Variants in CCDC7 observed in about 807,000 individuals in gnomAD.
CCDC7 encodes coiled-coil domain-containing protein 7.
CCDC7 carries 183 observed loss-of-function variants against 196.9 expected under a neutral mutation model. That is an observed-to-expected ratio of 0.93 (90% CI 0.82 to 1.05). CCDC7 has a LOEUF of 1.05. CCDC7 is among the 50% of genes least tolerant of loss of function. The pLI, the probability that CCDC7 is intolerant of heterozygous loss-of-function variation, is 0.00. For missense variants in CCDC7, 1,540 were observed against 1,482.2 expected (o/e 1.04, Z -0.64); for synonymous variants, 525 against 484.6 (o/e 1.08, Z -1.10).
At chr10:32,783,416 C>G (rs2081347139) in intron 29 of CCDC7, among the ~76,000 whole-genome samples, 1 of 152,168 alleles carries the variant, frequency 6.6e-6, no homozygotes, top group East Asian at 1.9e-4. Context: ...TACTTAGCAT[C>G]ATTGGCCATT....
At chr10:32,802,801 G>T (rs989982031) in intron 29 of CCDC7, among the ~76,000 whole-genome samples, 3 of 152,202 alleles carry the variant, frequency 2.0e-5, no homozygotes, top group African/African-American at 7.2e-5. Flanking sequence ...GTGTTGAAGG[G>T]CAGGAAGCAT....
intron 18 of CCDC7, among the ~76,000 whole-genome samples, chr10:32,602,397 A>G (rs1346101150): frequency 3.9e-5 from 6 of 152,210 alleles, no homozygotes; most frequent in Non-Finnish European, 8.8e-5. Flanking sequence ...CCAAGGATCC[A>G]CTGGAAGGAA....
At chr10:32,603,045 G>C (rs1286981716) in intron 18 of CCDC7, among the ~76,000 whole-genome samples, 1 of 152,078 alleles carries the variant, frequency 6.6e-6, no homozygotes, top group East Asian at 1.9e-4. Context: ...ACACACTAGA[G>C]CTTATTCCTT....
At chr10:32,882,352 A>G (rs1413542095) in intron 22 of CCDC7, among the ~76,000 whole-genome samples, 4 of 152,190 alleles carry the variant, frequency 2.6e-5, no homozygotes. Context: ...GATATCAAGC[A>G]TGAGAGATTC....
rs137874907 is a variant in CCDC7 at position 32,578,166 on chromosome 10, T to C, written c.1455-4868T>C. 1.2e-3 allele frequency among the ~76,000 whole-genome samples: 182 copies of C among 152,246 alleles called. 1 individual carries two copies. Among genetic ancestry groups the C allele is most frequent in the African/African-American group, 4.1e-3 (169 of 41,536 alleles). On this transcript the variant is annotated intron_variant, in intron 16 of 41. Coordinates refer to ENST00000639629, the Ensembl canonical transcript of CCDC7. ...CTATTTTAAATTAGTTGCATTGATA[T>C]AGTGCTTTGAAGAATCACCAGGTGT...
chr10:32,859,985 C>A (rs781419447), intron 41 of CCDC7, among the ~76,000 whole-genome samples: 10 of 152,096 alleles, frequency 6.6e-5, no homozygotes, highest in Non-Finnish European at 1.2e-4. Flanking sequence ...ACCAGAGGTA[C>A]GAAGAGGAGC....
intron 25 of CCDC7, among the ~76,000 whole-genome samples, chr10:32,715,436 A>G (rs1007797315): frequency 2.0e-5 from 3 of 152,214 alleles, no homozygotes; most frequent in Non-Finnish European, 4.4e-5. Context: ...ATCCATGAAG[A>G]TGAGTAAAAA....
intron 28 of CCDC7, among the ~76,000 whole-genome samples, chr10:32,737,731 C>T (rs2085102994): frequency 6.6e-6 from 1 of 152,086 alleles, no homozygotes; most frequent in Admixed American, 6.6e-5. Context: ...TTAAGTATTA[C>T]TATGTTTTCT....
chr10:32,677,862 C>G (rs909246400), intron 21 of CCDC7, among the ~76,000 whole-genome samples: 3 of 151,978 alleles, frequency 2.0e-5, no homozygotes, highest in Admixed American at 1.3e-4. Context: ...TGATGGTATC[C>G]CATACATCTT....
At chr10:32,609,145 A>G (rs1260705236) in intron 18 of CCDC7, among the ~76,000 whole-genome samples, 1 of 152,170 alleles carries the variant, frequency 6.6e-6, no homozygotes, top group African/African-American at 2.4e-5. Flanking sequence ...CTACATTACA[A>G]TTTAAGTCTG....
chr10:32,509,924 A>G (rs955909544), intron 9 of CCDC7, among the ~76,000 whole-genome samples: 1 of 152,216 alleles, frequency 6.6e-6, no homozygotes, highest in Non-Finnish European at 1.5e-5. Flanking sequence ...GAACCCTTCA[A>G]CACTACTGGT....
intron 28 of CCDC7, among the ~76,000 whole-genome samples, chr10:32,760,757 TAA>T (rs144965874): frequency 1.4e-5 from 2 of 143,742 alleles, no homozygotes; most frequent in African/African-American, 5.2e-5. Context: ...ATAATAAAAT[TAA>T]AAAAAAAAGA....
At chr10:32,765,103 C>G (rs2078064355) in intron 28 of CCDC7, among the ~76,000 whole-genome samples, 1 of 151,922 alleles carries the variant, frequency 6.6e-6, no homozygotes, top group South Asian at 2.1e-4. Flanking sequence ...AATTCCCAGA[C>G]TTGATCAAGT....
intron 29 of CCDC7, among the ~76,000 whole-genome samples, chr10:32,787,004 A>G (rs550854266): frequency 6.6e-6 from 1 of 152,300 alleles, no homozygotes; most frequent in East Asian, 1.9e-4. Context: ...ACATAGGACA[A>G]TTGTGATTAT....
intron 22 of CCDC7, among the ~76,000 whole-genome samples, chr10:32,688,099 C>G (rs1029863534): frequency 2.6e-5 from 4 of 152,034 alleles, no homozygotes; most frequent in Non-Finnish European, 2.9e-5. Context: ...CCTTCCTCAT[C>G]TTCCTTGGAC....
At chr10:32,587,907 G>C (rs909483310) in intron 18 of CCDC7, among the ~76,000 whole-genome samples, 3 of 152,174 alleles carry the variant, frequency 2.0e-5, no homozygotes, top group Admixed American at 6.5e-5. Context: ...AAGTTCATGT[G>C]CTGGAAACTT....
intron 18 of CCDC7, among the ~76,000 whole-genome samples, chr10:32,615,675 T>C (rs1256095910): frequency 1.3e-5 from 2 of 152,282 alleles, no homozygotes; most frequent in East Asian, 3.9e-4. Context: ...CTTTTTGGTT[T>C]AATTAAGTCC....
chr10:32,819,518 G>A (rs2089685742), intron 31 of CCDC7, among the ~76,000 whole-genome samples: 1 of 152,068 alleles, frequency 6.6e-6, no homozygotes, highest in Non-Finnish European at 1.5e-5. Flanking sequence ...ACAAAAAAAA[G>A]AGAATTTTAG....
intron 18 of CCDC7, among the ~76,000 whole-genome samples, chr10:32,599,272 CTTCACT>C (rs146453974): frequency 0.045 from 6,785 of 151,856 alleles, 204 homozygotes; most frequent in Non-Finnish European, 0.071. Flanking sequence ...TTATCCATCC[CTTCACT>C]TTCAATATTT....
Sources: allele counts gnomAD v4.1 joint callset (sites outside exome capture counted in the v4.1 genomes callset), GRCh38; gene constraint gnomAD v4.1.1; transcripts MANE v1.5; gene names NCBI Gene and HGNC (gene_info 2026-07-23, HGNC 2026-07-21).